The following GRAMD1B variants were observed in gnomAD, a reference collection of about 807,000 sequenced individuals.
The protein encoded by GRAMD1B is protein Aster-B.
GRAMD1B carries 37 observed loss-of-function variants against 99.7 expected under a neutral mutation model. The observed-to-expected ratio is 0.37, with a 90% CI of 0.29 to 0.49. The LOEUF is 0.49. GRAMD1B is among the 20% of genes least tolerant of loss of function. The probability of loss-of-function intolerance (pLI) is 0.98; values close to 1 mark genes in which losing one functional copy is unlikely to be tolerated. For synonymous variants in GRAMD1B, 427 were observed against 387.6 expected, an observed-to-expected ratio of 1.10 and a Z score of -1.19; for missense variants, 888 against 1,009.2, an observed-to-expected ratio of 0.88 and a Z score of 1.63.
intron 7 of GRAMD1B, chr11:123,599,345 C>T: frequency 1.4e-6 from 1 of 697,866 alleles, no homozygotes; most frequent in Non-Finnish European, 2.7e-6. Flanking sequence ...CAGAATTGAT[C>T]TGGTCCCAGA....
At chr11:123,556,620 A>G (rs1946208968) in intron 2 of GRAMD1B, among the ~76,000 whole-genome samples, 1 of 152,198 alleles carries the variant, frequency 6.6e-6, no homozygotes, top group Non-Finnish European at 1.5e-5. Context: ...AGATAGTGTC[A>G]GTTTTCTGTA....
intron 1 of GRAMD1B, among the ~76,000 whole-genome samples, chr11:123,434,009 T>A (rs1207802800): frequency 2.6e-5 from 4 of 151,744 alleles, no homozygotes; most frequent in Non-Finnish European, 4.4e-5. Context: ...GCAGGCAGAT[T>A]GCCTGAGCTC....
At chr11:123,401,352 G>T (rs1304174592) in intron 1 of GRAMD1B, among the ~76,000 whole-genome samples, 1 of 152,218 alleles carries the variant, frequency 6.6e-6, no homozygotes, top group Admixed American at 6.5e-5. Context: ...GTGCTCCCAG[G>T]TGTCACAGCC....
intron 2 of GRAMD1B, among the ~76,000 whole-genome samples, chr11:123,558,149 A>G (rs1946353697): frequency 6.6e-6 from 1 of 151,778 alleles, no homozygotes; most frequent in East Asian, 1.9e-4. Flanking sequence ...ATGCCTGGCT[A>G]ATTTTTGTAT....
chr11:123,369,466 G>A (rs1037083398), intron 1 of GRAMD1B, among the ~76,000 whole-genome samples: 9 of 152,206 alleles, frequency 5.9e-5, no homozygotes, highest in African/African-American at 1.7e-4. Context: ...CAAAGGAAAT[G>A]GAGGGATTAA....
chr11:123,548,321 TATATACACACACAC>T (rs1296961945), intron 2 of GRAMD1B, among the ~76,000 whole-genome samples: 4 of 107,218 alleles, frequency 3.7e-5, no homozygotes, highest in Non-Finnish European at 5.3e-5. Flanking sequence ...TATATATATA[TATATACACACACAC>T]ACACACACAC....
intron 2 of GRAMD1B, among the ~76,000 whole-genome samples, chr11:123,546,542 C>T (rs1945056437): frequency 1.3e-5 from 2 of 152,176 alleles, no homozygotes; most frequent in African/African-American, 4.8e-5. Flanking sequence ...GGAGAGATGG[C>T]CAACCTGGGA....
chr11:123,498,509 A>G (rs1939541530), intron 2 of GRAMD1B, among the ~76,000 whole-genome samples: 1 of 152,228 alleles, frequency 6.6e-6, no homozygotes, highest in Admixed American at 6.5e-5. Flanking sequence ...AGTTACGGTA[A>G]TTGCTCACCC....
At chr11:123,560,455 G>A in intron 2 of GRAMD1B, 1 of 1,196,866 alleles carries the variant, frequency 8.4e-7, no homozygotes, top group Non-Finnish European at 1.1e-6. Flanking sequence ...GCAAAGAAGC[G>A]CCCCCAGCTT....
intron 1 of GRAMD1B, among the ~76,000 whole-genome samples, chr11:123,360,806 TC>T (rs1291166282): frequency 1.4e-5 from 2 of 143,008 alleles, no homozygotes; most frequent in South Asian, 4.8e-4. Context: ...CTTCCTTCCT[TC>T]CTTCCTTCCT....
chr11:123,555,465 C>A (rs1946089933), intron 2 of GRAMD1B, among the ~76,000 whole-genome samples: 1 of 152,194 alleles, frequency 6.6e-6, no homozygotes, highest in Non-Finnish European at 1.5e-5. Context: ...TCTCCTGCCT[C>A]AGCCTCCCAA....
At chr11:123,481,811 A>G (rs1951624387) in intron 2 of GRAMD1B, among the ~76,000 whole-genome samples, 1 of 152,224 alleles carries the variant, frequency 6.6e-6, no homozygotes, top group South Asian at 2.1e-4. Context: ...TTGCCTACAG[A>G]AAGTTGATGG....
chr11:123,599,718 C>A (rs1345585785), intron 7 of GRAMD1B, among the ~76,000 whole-genome samples: 3 of 152,208 alleles, frequency 2.0e-5, no homozygotes, highest in Non-Finnish European at 4.4e-5. Flanking sequence ...GGTGATCCAC[C>A]CACCTCGGCC....
At chr11:123,412,914 T>C (rs1438289599) in intron 1 of GRAMD1B, among the ~76,000 whole-genome samples, 3 of 152,150 alleles carry the variant, frequency 2.0e-5, no homozygotes, top group Non-Finnish European at 4.4e-5. Context: ...CCCGAGTAGC[T>C]GGGAATACAG....
chr11:123,584,163 C>G (rs939347104), intron 3 of GRAMD1B, 149 bp from the exon 4 acceptor site: 3 of 545,086 alleles, frequency 5.5e-6, no homozygotes, highest in Non-Finnish European at 9.8e-6. Context: ...AAGGAGGACC[C>G]CTCCTGAGCA....
chr11:123,478,377 C>CTT (rs1337787152), intron 1 of GRAMD1B, among the ~76,000 whole-genome samples: 5 of 152,328 alleles, frequency 3.3e-5, no homozygotes, highest in African/African-American at 1.2e-4. Flanking sequence ...GATGTGAATA[C>CTT]TTGTTGGATG....
intron 3 of GRAMD1B, among the ~76,000 whole-genome samples, chr11:123,579,669 A>G (rs1236423652): frequency 6.6e-6 from 1 of 152,012 alleles, no homozygotes; most frequent in Non-Finnish European, 1.5e-5. Flanking sequence ...AAGAGGGTGG[A>G]TATGGCCTGA....
chr11:123,584,203 G>T (rs892743597), intron 3 of GRAMD1B, 109 bp from the exon 4 acceptor site: 6 of 660,382 alleles, frequency 9.1e-6, no homozygotes, highest in Non-Finnish European at 1.6e-5. Flanking sequence ...GCTGCATTTG[G>T]ACCCCTCCTC....
In GRAMD1B at chr11:123,613,651, T is replaced by G. The variant is rs373969484; in HGVS notation, c.2220T>G (p.His740Gln). Residue 740 changes from histidine (H) to glutamine (Q), a missense_variant, in exon 16 of 20, where the codon CAT becomes CAG. Transcript: ENST00000635736. ...TDEDVGHRIK[H>Q]VAGSTQTRHI... ...AGGATGTGGGCCACAGGATCAAACA[T>G]GTGGCAGGTGTGTGCCAGGTGGGGA... The G allele has an allele frequency of 2.0e-5, 33 of 1,612,544 alleles. No individual in the cohort carries two copies. The highest frequency in any genetic ancestry group is 2.8e-5 in the Non-Finnish European group (33 of 1,179,464).
Sources: gnomAD v4.1 joint callset for allele counts (sites outside exome capture counted in the v4.1 genomes callset) on GRCh38, gnomAD v4.1.1 for gene constraint, MANE v1.5 for transcripts, NCBI Gene and HGNC (gene_info 2026-07-23, HGNC 2026-07-21) for gene names.